MIER3: variants seen among roughly 807,000 people sequenced by gnomAD.
MIER3 encodes MIER family member 3.
MIER3 carries 9 observed loss-of-function variants against 63.2 expected under a neutral mutation model. That is an observed-to-expected ratio of 0.14 (90% CI 0.09 to 0.25). The LOEUF (loss-of-function observed/expected upper bound fraction) is 0.25. Ranked by LOEUF, MIER3 falls within the 10% of genes least tolerant of loss-of-function variation. The pLI, the probability that MIER3 is intolerant of heterozygous loss-of-function variation, is 1.00. For synonymous variants in MIER3, 205 were observed against 224.9 expected (o/e 0.91, Z 0.79); for missense variants, 512 against 666.2 (o/e 0.77, Z 2.55).
At chr5:56,940,243 G>A (rs1750596651) in intron 3 of MIER3, among the ~76,000 whole-genome samples, 1 of 152,214 alleles carries the variant, frequency 6.6e-6, no homozygotes, top group Non-Finnish European at 1.5e-5. Flanking sequence ...TAGTTAATCT[G>A]TTAAACATTT....
chr5:56,949,849 T>G (rs1031738992), intron 2 of MIER3, among the ~76,000 whole-genome samples: 3 of 152,118 alleles, frequency 2.0e-5, no homozygotes, highest in Non-Finnish European at 4.4e-5. Flanking sequence ...AGCAAAGAGG[T>G]AAGCTAGAAA....
intron 9 of MIER3, chr5:56,929,113 T>C (rs1178786459): frequency 1.2e-5 from 4 of 327,466 alleles, no homozygotes; most frequent in Non-Finnish European, 1.7e-5. Context: ...CACTGCTTTT[T>C]TTCCACTACA....
chr5:56,952,080 GT>G lies in MIER3; in HGVS notation c.9+13del. 7.7e-7 allele frequency: 1 copy of G among 1,302,032 alleles called. No individual in the cohort carries two copies. Among genetic ancestry groups the G allele is most frequent in the Non-Finnish European group, 9.9e-7 (1 of 1,007,502 alleles). The allele number at this position is 1,302,032 out of a possible 1,614,324, so 80.7% of individuals were successfully genotyped here. ...GCTCCAGCCCGGCTGCTCCTGCCCG[GT>G]TTCCCTGCTCACCTCCGCCATATTG... On this transcript the variant is annotated intron_variant, in intron 1 of 12. Transcript: ENST00000381199.
At chr5:56,948,087 T>A (rs1274890294) in intron 2 of MIER3, among the ~76,000 whole-genome samples, 2 of 152,202 alleles carry the variant, frequency 1.3e-5, no homozygotes, top group Admixed American at 6.5e-5. Context: ...AAAAGTTTAA[T>A]CTGTTCTTAG....
intron 3 of MIER3, among the ~76,000 whole-genome samples, chr5:56,943,362 T>C (rs1355831180): frequency 6.6e-6 from 1 of 150,946 alleles, no homozygotes; most frequent in Non-Finnish European, 1.5e-5. Context: ...GAAGAATAAA[T>C]TGAGGGCAGG....
At position 56,921,211 on chromosome 5, in the gene MIER3, G is replaced by A. The variant is rs1361382022; in HGVS notation, c.*1917C>T. 8 of 152,630 alleles carry A rather than the reference G, an allele frequency of 5.2e-5. No homozygotes were observed. Among genetic ancestry groups the A allele is most frequent in the Non-Finnish European group, 2.9e-5 (2 of 67,964 alleles). 9.5% of individuals were successfully genotyped at this position (152,630 alleles called of 1,614,324 possible). ...ACAGACCAGCCACTGTAAACCCAGA[G>A]TGAAAATTAAGGTTATAACAATGGA... On this transcript the variant is annotated 3_prime_UTR_variant, in exon 13 of 13. Transcript: ENST00000381199.
At chr5:56,946,647 A>G (rs948897508) in intron 3 of MIER3, among the ~76,000 whole-genome samples, 23 of 152,080 alleles carry the variant, frequency 1.5e-4, no homozygotes, top group Non-Finnish European at 2.9e-5. Flanking sequence ...TTCAGAAATA[A>G]TCTTAGGGCT....
chr5:56,946,478 A>G (rs1274336024), intron 3 of MIER3, among the ~76,000 whole-genome samples: 1 of 152,154 alleles, frequency 6.6e-6, no homozygotes, highest in African/African-American at 2.4e-5. Flanking sequence ...TATATTTGAA[A>G]ATACAGTAAA....
intron 3 of MIER3, among the ~76,000 whole-genome samples, chr5:56,941,905 G>C (rs1350667525): frequency 6.6e-6 from 1 of 152,164 alleles, no homozygotes; most frequent in South Asian, 2.1e-4. Flanking sequence ...TGGGTCACTG[G>C]ACGTGGGAGG....
At chr5:56,946,842 T>C (rs1750840522) in intron 3 of MIER3, 84 bp downstream of exon 3, 1 of 1,100,508 alleles carries the variant, frequency 9.1e-7, no homozygotes, top group African/African-American at 1.7e-5. Context: ...ATGATCCTAT[T>C]TTTATTTCAG....
intron 8 of MIER3, among the ~76,000 whole-genome samples, 191 bp downstream of exon 8, chr5:56,933,051 GAAGAA>G (rs988851896): frequency 3.3e-5 from 5 of 152,130 alleles, no homozygotes; most frequent in Admixed American, 6.5e-5. Context: ...TTAAAGACCA[GAAGAA>G]AAGATACAAA....
intron 10 of MIER3, among the ~76,000 whole-genome samples, chr5:56,926,607 G>A (rs1749994409): frequency 6.6e-6 from 1 of 152,134 alleles, no homozygotes; most frequent in African/African-American, 2.4e-5. Flanking sequence ...TGAAGATGTA[G>A]AGCAATAGAA....
chr5:56,942,328 G>C (rs1177211667), intron 3 of MIER3, among the ~76,000 whole-genome samples: 1 of 152,194 alleles, frequency 6.6e-6, no homozygotes, highest in Non-Finnish European at 1.5e-5. Context: ...TTGTATTTTG[G>C]AAATAATGTT....
chr5:56,925,220 T>A (rs1749906009), intron 10 of MIER3: 1 of 343,966 alleles, frequency 2.9e-6, no homozygotes, highest in Non-Finnish European at 5.6e-6. Flanking sequence ...ATACAGAAAG[T>A]GTGAAATTTT....
At chr5:56,931,374 A>G (rs1750260480) in intron 8 of MIER3, among the ~76,000 whole-genome samples, 1 of 152,194 alleles carries the variant, frequency 6.6e-6, no homozygotes, top group Non-Finnish European at 1.5e-5. Flanking sequence ...AAGATGGTTC[A>G]ATATTAGGAA....
At chr5:56,932,839 T>G (rs1290794338) in intron 8 of MIER3, among the ~76,000 whole-genome samples, 1 of 152,208 alleles carries the variant, frequency 6.6e-6, no homozygotes, top group Non-Finnish European at 1.5e-5. Context: ...AGAGAATGTT[T>G]AAATAAATGA....
At chr5:56,932,543 T>C (rs960295653) in intron 8 of MIER3, among the ~76,000 whole-genome samples, 2 of 152,164 alleles carry the variant, frequency 1.3e-5, no homozygotes, top group Non-Finnish European at 2.9e-5. Flanking sequence ...TGAATACTTA[T>C]TAGTCAGGGT....
chr5:56,935,301 TAA>T (rs1366379560), intron 7 of MIER3, 125 bp downstream of exon 7: 1 of 733,048 alleles, frequency 1.4e-6, no homozygotes, highest in African/African-American at 1.8e-5. Flanking sequence ...CTAAAAATCC[TAA>T]CTCTGCATGT....
chr5:56,935,684 T>C lies in MIER3; in HGVS notation c.504A>G (p.Ser168=). 1 of 1,613,978 alleles carries C rather than the reference T, an allele frequency of 6.2e-7. No individual in the cohort carries two copies. The highest frequency in any genetic ancestry group is 8.5e-7 in the Non-Finnish European group (1 of 1,179,888). The change falls in exon 6 of 13, where the codon TCA becomes TCG. Residue 168 remains serine, a synonymous_variant. Transcript: ENST00000381199. ...VEDVETDSGN[S]PEDLRKEIMI... ...AGCTTACCTTCCTCAAATCTTCAGG[T>C]GAATTACCACTGTCTGTTTCAACAT...
Sources: gnomAD v4.1 joint callset for allele counts (sites outside exome capture counted in the v4.1 genomes callset) on GRCh38, gnomAD v4.1.1 for gene constraint, MANE v1.5 for transcripts, NCBI Gene and HGNC (gene_info 2026-07-23, HGNC 2026-07-21) for gene names.